TRPM8: variants seen among roughly 807,000 people sequenced by gnomAD.
The protein encoded by TRPM8 is transient receptor potential cation channel subfamily M member 8.
A neutral mutation model predicts 133.7 loss-of-function variants in TRPM8; 110 were observed. That is an observed-to-expected ratio of 0.82 (90% CI 0.70 to 0.96). The LOEUF (loss-of-function observed/expected upper bound fraction) is 0.96. Ranked by LOEUF, TRPM8 falls within the 40% of genes least tolerant of loss-of-function variation. The pLI is 0.00. For missense variants in TRPM8, 1,291 were observed against 1,379.5 expected, an observed-to-expected ratio of 0.94 and a Z score of 1.02; for synonymous variants, 535 against 532.3, an observed-to-expected ratio of 1.01 and a Z score of -0.07.
intron 17 of TRPM8, among the ~76,000 whole-genome samples, chr2:233,978,732 C>T (rs907423979): frequency 3.9e-5 from 6 of 152,126 alleles, no homozygotes; most frequent in African/African-American, 1.4e-4. Context: ...ATCCTATTTA[C>T]TGAATAAAAA....
In TRPM8 at chr2:233,996,306, C is replaced by T; in HGVS notation, c.2940-20C>T. On this transcript the variant is annotated intron_variant, in intron 21 of 25. Coordinates refer to ENST00000324695, the MANE Select transcript of TRPM8 (RefSeq NM_024080.5). The stretch of plus-strand genomic sequence containing the variant: ...GGCATGCGCAATGCTAAGTCTTGGC[C>T]TTCTCTCTTCCCTCACCAGCTACAC... 6.2e-7 allele frequency: 1 copy of T among 1,612,546 alleles called. No individual in the cohort carries two copies. Among genetic ancestry groups the T allele is most frequent in the Non-Finnish European group, 8.5e-7 (1 of 1,179,118 alleles).
intron 1 of TRPM8, among the ~76,000 whole-genome samples, chr2:233,921,299 G>T (rs542016342): frequency 6.6e-6 from 1 of 152,224 alleles, no homozygotes; most frequent in East Asian, 1.9e-4. Flanking sequence ...CCTTCACTCT[G>T]CCCCTTTACA....
At position 234,017,601 on chromosome 2, in the gene TRPM8, A is replaced by G. The variant is rs1254843424; in HGVS notation, c.*345A>G. 3.8e-6 allele frequency: 1 copy of G among 261,010 alleles called. No individual in the cohort carries two copies. The highest frequency in any genetic ancestry group is 5.1e-5 in the Admixed American group (1 of 19,722). The allele number at this position is 261,010 out of a possible 1,614,324, so 16.2% of individuals were successfully genotyped here. A position where few individuals can be genotyped will look rare whatever the true frequency, so the allele number is the denominator to read the frequency against. On this transcript the variant is annotated 3_prime_UTR_variant, in exon 26 of 26. Transcript: ENST00000324695. Reference sequence around the variant, plus strand: ...AATCTTATTTTTGATGAACACATATATAGGAGAACATCTATCCTATGAATA... The same window carrying G: ...AATCTTATTTTTGATGAACACATATGTAGGAGAACATCTATCCTATGAATA...
Position 233,979,240 on chromosome 2 carries a change from G to A in TRPM8, c.2356-948G>A, listed in dbSNP as rs142379493. ...TGTTGGTTTCCATATGTGAATTCAC[G>A]TAGGGCCTCGGTCTCATCCTCATAC... On this transcript the variant is annotated intron_variant, in intron 17 of 25. Transcript: ENST00000324695. 2.1e-3 allele frequency among the ~76,000 whole-genome samples: 314 copies of A among 152,280 alleles called. 2 individuals are homozygous for A. In the Middle Eastern group the frequency reaches 0.031, roughly 15 times the overall value.
intron 17 of TRPM8, among the ~76,000 whole-genome samples, chr2:233,976,993 GA>G (rs1193471573): frequency 6.6e-6 from 1 of 151,852 alleles, no homozygotes; most frequent in South Asian, 2.1e-4. Flanking sequence ...CTTGTTAGGG[GA>G]AAAAAAGAAA....
chr2:233,953,285 T>C (rs4663343), intron 9 of TRPM8, among the ~76,000 whole-genome samples: 4,057 of 152,262 alleles, frequency 0.027, 186 homozygotes, highest in East Asian at 0.19. Context: ...GGGAAACCCA[T>C]CATTGCCTCA....
chr2:234,016,638 C>T (rs1014589433), intron 25 of TRPM8, among the ~76,000 whole-genome samples: 2 of 152,140 alleles, frequency 1.3e-5, no homozygotes, highest in African/African-American at 2.4e-5. Flanking sequence ...CCTTTGATCC[C>T]GGAACTTGGG....
chr2:233,982,055 T>C, intron 19 of TRPM8, 140 bp downstream of exon 19: 1 of 933,212 alleles, frequency 1.1e-6, no homozygotes, highest in Non-Finnish European at 1.5e-6. Flanking sequence ...ATGTATTTCA[T>C]CAGGGGCCTC....
chr2:234,009,563 A>C (rs1166387607), intron 24 of TRPM8, among the ~76,000 whole-genome samples: 1 of 152,176 alleles, frequency 6.6e-6, no homozygotes, highest in African/African-American at 2.4e-5. Context: ...CCTAGGGTCC[A>C]GGAAGTTCGT....
At chr2:233,925,855 C>T (rs1158194709) in intron 1 of TRPM8, among the ~76,000 whole-genome samples, 2 of 151,852 alleles carry the variant, frequency 1.3e-5, no homozygotes, top group African/African-American at 4.8e-5. Flanking sequence ...GGGAGAGGGG[C>T]CTCCTGAAGT....
chr2:233,926,495 T>G (rs1263798522), intron 1 of TRPM8, 38 bp from the exon 2 acceptor site: 1 of 1,522,118 alleles, frequency 6.6e-7, no homozygotes, highest in South Asian at 1.1e-5. Flanking sequence ...CTGTTACTGT[T>G]TGTAACCCAA....
intron 17 of TRPM8, among the ~76,000 whole-genome samples, chr2:233,978,152 C>T (rs368884981): frequency 6.7e-6 from 1 of 149,322 alleles, no homozygotes; most frequent in African/African-American, 2.5e-5. Context: ...TTGTTTTCAG[C>T]CTAGTTTCTT....
chr2:233,918,241 CTT>C (rs1391048653), intron 1 of TRPM8, among the ~76,000 whole-genome samples: 1 of 151,390 alleles, frequency 6.6e-6, no homozygotes, highest in Non-Finnish European at 1.5e-5. Flanking sequence ...AAGGTTGTGA[CTT>C]TGGATGCATA....
At chr2:233,961,919 G>A (rs28902174) in intron 12 of TRPM8, among the ~76,000 whole-genome samples, 3 of 152,184 alleles carry the variant, frequency 2.0e-5, no homozygotes, top group African/African-American at 4.8e-5. Context: ...GTGAACCACC[G>A]TGTCCGGCCT....
In TRPM8 at chr2:234,015,211, C is replaced by T. The variant is rs544310548; in HGVS notation, c.*42+557C>T. On this transcript the variant is annotated intron_variant, in intron 25 of 25. Transcript: ENST00000324695. Reference sequence around the variant, plus strand: ...AATTCAATTAACTGACAAAATTTAACCCAAGGCTTTGCTCCATGGTCTTAC... The same window carrying T: ...AATTCAATTAACTGACAAAATTTAATCCAAGGCTTTGCTCCATGGTCTTAC... Among the ~76,000 whole-genome samples, 58 of 152,278 alleles carry T rather than the reference C, an allele frequency of 3.8e-4. No homozygotes were observed. In the South Asian group the frequency reaches 0.012, roughly 32 times the overall value.
chr2:233,936,678 C>T (rs1690751899), intron 3 of TRPM8, among the ~76,000 whole-genome samples: 1 of 152,278 alleles, frequency 6.6e-6, no homozygotes, highest in East Asian at 1.9e-4. Context: ...GGCACTGAGG[C>T]CAACTCAGGG....
chr2:233,969,741 A>G lies in TRPM8; in HGVS notation c.2072A>G (p.Lys691Arg). 1 of 1,614,066 alleles carries G rather than the reference A, an allele frequency of 6.2e-7. No individual in the cohort carries two copies. Among genetic ancestry groups the G allele is most frequent in the Non-Finnish European group, 8.5e-7 (1 of 1,179,916 alleles). Reference sequence around the variant, plus strand: ...TATGGAGAGATTTCCCGAGACACCAAGAACTGGAAGATTATCCTGTGTCTG... The same window carrying G: ...TATGGAGAGATTTCCCGAGACACCAGGAACTGGAAGATTATCCTGTGTCTG... The part of the protein sequence containing the change: ...QWYGEISRDT[K>R]NWKIILCLFI... Residue 691 changes from lysine (K) to arginine (R), a missense_variant, in exon 16 of 26, where the codon AAG becomes AGG. Physicochemically the swap from Lys to Arg is conservative, Grantham distance 26. Transcript: ENST00000324695.
chr2:234,007,941 G>A (rs1453043195), intron 23 of TRPM8, 129 bp from the exon 24 acceptor site: 3 of 948,102 alleles, frequency 3.2e-6, no homozygotes, highest in East Asian at 2.5e-5. Context: ...GCTGATTCTT[G>A]ATTTAGCTAA....
chr2:233,992,000 A>G (rs1692290822), intron 21 of TRPM8, among the ~76,000 whole-genome samples: 1 of 152,176 alleles, frequency 6.6e-6, no homozygotes, highest in Non-Finnish European at 1.5e-5. Context: ...TCATTTATTC[A>G]AACATATATA....
Sources: allele counts gnomAD v4.1 joint callset (sites outside exome capture counted in the v4.1 genomes callset), GRCh38; gene constraint gnomAD v4.1.1; transcripts MANE v1.5; gene names NCBI Gene and HGNC (gene_info 2026-07-23, HGNC 2026-07-21).